Variants in TLN2 observed in about 807,000 individuals in gnomAD.
TLN2 encodes talin 2.
TLN2 carries 118 observed loss-of-function variants against 294.7 expected under a neutral mutation model. The ratio of observed to expected loss-of-function variants is 0.40; its 90% CI spans 0.34 to 0.47. The LOEUF (loss-of-function observed/expected upper bound fraction) is 0.47. TLN2 is among the 20% of genes least tolerant of loss of function. The pLI is 0.84. For synonymous variants in TLN2, 1,431 were observed against 1,304.5 expected, an observed-to-expected ratio of 1.10 and a Z score of -2.09; for missense variants, 3,083 against 3,282.2, an observed-to-expected ratio of 0.94 and a Z score of 1.48.
intron 28 of TLN2, among the ~76,000 whole-genome samples, chr15:62,732,690 G>C (rs1410155888): frequency 6.6e-6 from 1 of 152,190 alleles, no homozygotes; most frequent in African/African-American, 2.4e-5. Context: ...AGAGATGGTA[G>C]TGTCCTACAG....
At chr15:62,713,440 A>G (rs2059558695) in intron 22 of TLN2, among the ~76,000 whole-genome samples, 1 of 152,120 alleles carries the variant, frequency 6.6e-6, no homozygotes, top group South Asian at 2.1e-4. Flanking sequence ...GCACTTTGAG[A>G]GGCCGAGGTG....
At chr15:62,626,075 C>T (rs754249579) in intron 3 of TLN2, among the ~76,000 whole-genome samples, 2 of 152,150 alleles carry the variant, frequency 1.3e-5, no homozygotes, top group African/African-American at 2.4e-5. Flanking sequence ...ATCTTAATGA[C>T]TTGCAAGCAT....
chr15:62,764,274 G>GT (rs1425618200), intron 40 of TLN2, among the ~76,000 whole-genome samples: 1 of 151,882 alleles, frequency 6.6e-6, no homozygotes, highest in Non-Finnish European at 1.5e-5. Context: ...TTCCCTTTGG[G>GT]TCTTTTTCTA....
intron 54 of TLN2, chr15:62,831,067 C>CGGAAGATGTGGGAGAG (rs2068791014): frequency 6.7e-6 from 1 of 150,112 alleles, no homozygotes; most frequent in Non-Finnish European, 1.5e-5. Flanking sequence ...CTCCAGGCAG[C>CGGAAGATGTGGGAGAG]GGAAGATGTG....
chr15:62,797,300 G>A lies in TLN2; in HGVS notation c.6132G>A (p.Lys2044=). Residue 2044 remains lysine (K), a synonymous_variant, in exon 48 of 59, where the codon AAG becomes AAA. Transcript: ENST00000636159. ...CAGGAGCTGCGTCCACTCCTGACAAGCTGGCCCAGGCGGCCCAGTCCTCAG... is the reference window on the plus strand; with the variant it reads ...CAGGAGCTGCGTCCACTCCTGACAAACTGGCCCAGGCGGCCCAGTCCTCAG... ...LVSGAASTPD[K]LAQAAQSSAA... The A allele has an allele frequency of 3.1e-6, 5 of 1,613,842 alleles. No homozygotes were observed. The highest frequency in any genetic ancestry group is 4.2e-6 in the Non-Finnish European group (5 of 1,180,028).
intron 1 of TLN2, among the ~76,000 whole-genome samples, chr15:62,541,333 CTTGGCTGAA>C (rs1229653052): frequency 6.6e-6 from 1 of 152,214 alleles, no homozygotes; most frequent in Non-Finnish European, 1.5e-5. Context: ...TGGCCACTGT[CTTGGCTGAA>C]TTTCACCTTC....
intron 1 of TLN2, among the ~76,000 whole-genome samples, chr15:62,543,045 A>G (rs2041789692): frequency 6.6e-6 from 1 of 151,974 alleles, no homozygotes. Flanking sequence ...AATCAAGGAG[A>G]GATTGTTTGC....
At chr15:62,670,814 A>C (rs2055311921) in intron 9 of TLN2, among the ~76,000 whole-genome samples, 1 of 152,174 alleles carries the variant, frequency 6.6e-6, no homozygotes, top group South Asian at 2.1e-4. Context: ...TTTTCTGGGC[A>C]TATGTCAAGG....
At chr15:62,621,382 A>G (rs950257706) in intron 3 of TLN2, among the ~76,000 whole-genome samples, 3 of 152,174 alleles carry the variant, frequency 2.0e-5, no homozygotes, top group Non-Finnish European at 2.9e-5. Flanking sequence ...TAGAAGGTAA[A>G]GTCGATACAC....
At chr15:62,773,470 T>C (rs1289118498) in intron 42 of TLN2, among the ~76,000 whole-genome samples, 1 of 152,102 alleles carries the variant, frequency 6.6e-6, no homozygotes, top group Non-Finnish European at 1.5e-5. Flanking sequence ...CTGCTCTCTT[T>C]CTGCAAACCC....
At chr15:62,730,029 C>CTT (rs11368681) in intron 28 of TLN2, among the ~76,000 whole-genome samples, 3,361 of 121,122 alleles carry the variant, frequency 0.028, 182 homozygotes, top group African/African-American at 0.073. Flanking sequence ...TTATTGTTGT[C>CTT]TTTTTTTTTT....
At chr15:62,804,325 T>G (rs548301271) in intron 50 of TLN2, among the ~76,000 whole-genome samples, 1 of 152,330 alleles carries the variant, frequency 6.6e-6, no homozygotes, top group South Asian at 2.1e-4. Context: ...AGGCCAGGCA[T>G]GGCAGCGCAC....
chr15:62,420,309 C>A (rs1409826159), intron 1 of TLN2, among the ~76,000 whole-genome samples: 3 of 152,054 alleles, frequency 2.0e-5, no homozygotes, highest in Non-Finnish European at 4.4e-5. Context: ...TAATGATTAA[C>A]CAGTCCAGAT....
intron 9 of TLN2, among the ~76,000 whole-genome samples, chr15:62,670,800 A>T (rs2055310261): frequency 6.6e-6 from 1 of 152,026 alleles, no homozygotes; most frequent in South Asian, 2.1e-4. Flanking sequence ...GAGTGTTCTC[A>T]TTTTTTTCTG....
At position 62,714,315 on chromosome 15, in the gene TLN2, G is replaced by T. The variant is rs568306164; in HGVS notation, c.2635-2016G>T. Among the ~76,000 whole-genome samples, 26 of 147,422 alleles carry T rather than the reference G, an allele frequency of 1.8e-4. 1 individual carries two copies. The highest frequency in any genetic ancestry group is 1.4e-3 in the Admixed American group (20 of 14,352). On this transcript the variant is annotated intron_variant, in intron 22 of 58. Transcript: ENST00000636159. ...CCTCCTGGGTTCACGCCATTCTCCT[G>T]CCTCAGCCTCCTGAGTAGCTGGGAC...
chr15:62,786,124 G>T (rs1296832683), intron 45 of TLN2, among the ~76,000 whole-genome samples: 10 of 152,152 alleles, frequency 6.6e-5, no homozygotes, highest in Non-Finnish European at 1.5e-4. Flanking sequence ...GTGTACATTT[G>T]CCAGACAGAT....
At chr15:62,648,632 C>T (rs1240779814) in intron 4 of TLN2, among the ~76,000 whole-genome samples, 1 of 150,350 alleles carries the variant, frequency 6.7e-6, no homozygotes, top group Non-Finnish European at 1.5e-5. Context: ...ACTGCAACCT[C>T]CACCTTCCGA....
intron 1 of TLN2, among the ~76,000 whole-genome samples, chr15:62,528,651 T>G (rs2040863106): frequency 6.7e-6 from 1 of 149,646 alleles, no homozygotes; most frequent in Non-Finnish European, 1.5e-5. Context: ...CAGCCCTTCT[T>G]GAGTGTATCC....
At chr15:62,819,395 G>A in intron 52 of TLN2, 121 bp from the exon 53 acceptor site, 2 of 763,486 alleles carry the variant, frequency 2.6e-6, no homozygotes, top group Non-Finnish European at 4.5e-6. Context: ...AAGTCACTTG[G>A]GACAGAGATG....
Sources: gnomAD v4.1 joint callset for allele counts (sites outside exome capture counted in the v4.1 genomes callset) on GRCh38, gnomAD v4.1.1 for gene constraint, MANE v1.5 for transcripts, NCBI Gene and HGNC (gene_info 2026-07-23, HGNC 2026-07-21) for gene names.